ZNF76: variants seen among roughly 807,000 people sequenced by gnomAD.
ZNF76 encodes zinc finger protein 523.
In ZNF76, 66 loss-of-function variants were observed where a neutral mutation model predicts 66.9. The ratio of observed to expected loss-of-function variants is 0.99; its 90% CI spans 0.81 to 1.21. ZNF76 has a LOEUF of 1.21. Ranked by LOEUF, ZNF76 falls within the 50% of genes most tolerant of loss-of-function variation. ZNF76 has a pLI of 0.00. For synonymous variants in ZNF76, 275 were observed against 296.1 expected (o/e 0.93, Z 0.73); for missense variants, 729 against 760.3 (o/e 0.96, Z 0.48).
intron 4 of ZNF76, 54 bp downstream of exon 4, chr6:35,286,453 T>C: frequency 6.4e-7 from 1 of 1,555,644 alleles, no homozygotes; most frequent in Non-Finnish European, 8.8e-7. Context: ...GACTGGAGGA[T>C]GGGGTGGCAG....
intron 1 of ZNF76, among the ~76,000 whole-genome samples, chr6:35,275,086 C>T (rs550358637): frequency 8.6e-4 from 131 of 151,566 alleles, no homozygotes; most frequent in Middle Eastern, 3.4e-3. Context: ...ACCCAGGAGG[C>T]GGAGGTTGCA....
In ZNF76 at chr6:35,276,670, A is replaced by G. The variant is rs541602067; in HGVS notation, c.-96-4386A>G. On this transcript the variant is annotated intron_variant, in intron 1 of 13. Transcript: ENST00000373953. Reference sequence around the variant, plus strand: ...GAGTGCAGTTGTGCTCAGTTAAACCATGTGAGTATTTGACAGAGGTGAGCT... The same window carrying G: ...GAGTGCAGTTGTGCTCAGTTAAACCGTGTGAGTATTTGACAGAGGTGAGCT... Among the ~76,000 whole-genome samples the G allele has an allele frequency of 1.6e-4, 24 of 152,290 alleles. 1 individual carries two copies. The South Asian group carries it at 4.8e-3, about 30-fold the overall frequency.
chr6:35,291,291 G>C lies in ZNF76; in HGVS notation c.639G>C (p.Lys213Asn). 6.2e-7 allele frequency: 1 copy of C among 1,611,044 alleles called. No homozygotes were observed. Among genetic ancestry groups the C allele is most frequent in the South Asian group, 1.1e-5 (1 of 90,616 alleles). The change falls in exon 8 of 14, where the codon AAG (lysine) becomes AAC (asparagine). Residue 213 changes from lysine (K) to asparagine (N), a missense_variant. Physicochemically the swap from Lys to Asn is moderately conservative, Grantham distance 94. Coordinates refer to ENST00000373953, the MANE Select transcript of ZNF76 (RefSeq NM_003427.5). ...GKAFATGYGL[K>N]SHVRTHTGEK... ...ACATATGGACAGGCTATGGACTGAAGAGCCACGTTCGTACCCACACTGGTG... is the reference window on the plus strand; with the variant it reads ...ACATATGGACAGGCTATGGACTGAACAGCCACGTTCGTACCCACACTGGTG...
chr6:35,293,159 GT>G, intron 11 of ZNF76, 115 bp downstream of exon 11: 2 of 1,302,982 alleles, frequency 1.5e-6, no homozygotes, highest in Non-Finnish European at 2.1e-6. Context: ...TCTTGTTTAA[GT>G]TTTATAGACT....
chr6:35,271,942 TAAAA>T (rs1157312301), intron 1 of ZNF76, among the ~76,000 whole-genome samples: 1 of 142,350 alleles, frequency 7.0e-6, no homozygotes. Flanking sequence ...TTTAAAAATT[TAAAA>T]AAAGAAAAAT....
chr6:35,283,013 G>A (rs1467041305), intron 2 of ZNF76, among the ~76,000 whole-genome samples: 2 of 152,152 alleles, frequency 1.3e-5, no homozygotes, highest in Non-Finnish European at 2.9e-5. Flanking sequence ...GTCTCCATGG[G>A]ATGGAAGAAC....
intron 1 of ZNF76, among the ~76,000 whole-genome samples, chr6:35,278,166 T>C (rs1352181857): frequency 2.6e-5 from 4 of 152,028 alleles, no homozygotes; most frequent in African/African-American, 7.2e-5. Context: ...AGTTTTTGTT[T>C]TGTTTTTTTC....
intron 1 of ZNF76, among the ~76,000 whole-genome samples, chr6:35,268,727 C>G (rs1312157012): frequency 6.6e-6 from 1 of 150,546 alleles, no homozygotes; most frequent in African/African-American, 2.5e-5. Flanking sequence ...GAGCCAAGAT[C>G]GCACCATTGC....
intron 5 of ZNF76, chr6:35,288,302 G>A (rs541111183): frequency 2.7e-6 from 1 of 370,824 alleles, no homozygotes; most frequent in East Asian, 7.3e-5. Context: ...ATTAACCTCA[G>A]TGGGCTATGA....
At chr6:35,277,653 T>C (rs1455627944) in intron 1 of ZNF76, among the ~76,000 whole-genome samples, 1 of 152,238 alleles carries the variant, frequency 6.6e-6, no homozygotes, top group Non-Finnish European at 1.5e-5. Flanking sequence ...TTGTTAGAAC[T>C]AAATGAGTTA....
chr6:35,284,201 C>T (rs936734247), intron 2 of ZNF76, among the ~76,000 whole-genome samples: 2 of 151,738 alleles, frequency 1.3e-5, no homozygotes, highest in Non-Finnish European at 2.9e-5. Context: ...AAGCGATTCT[C>T]CTGCCTCAGC....
At chr6:35,277,958 T>TA (rs921497352) in intron 1 of ZNF76, among the ~76,000 whole-genome samples, 1 of 151,674 alleles carries the variant, frequency 6.6e-6, no homozygotes, top group Non-Finnish European at 1.5e-5. Context: ...CTCCCAGGTT[T>TA]ATGCCATTCT....
intron 1 of ZNF76, among the ~76,000 whole-genome samples, chr6:35,270,030 A>G (rs1319764239): frequency 6.6e-6 from 1 of 152,242 alleles, no homozygotes; most frequent in Non-Finnish European, 1.5e-5. Context: ...ATGGAGAATC[A>G]TAGATATTCC....
At chr6:35,290,798 C>A in intron 7 of ZNF76, 82 bp downstream of exon 7, 2 of 1,328,198 alleles carry the variant, frequency 1.5e-6, no homozygotes, top group Non-Finnish European at 1.1e-6. Flanking sequence ...GAACCCAACA[C>A]CAGGCTGCTT....
At position 35,295,755 on chromosome 6, in the gene ZNF76, A is replaced by C; in HGVS notation, c.*507A>C. On this transcript the variant is annotated 3_prime_UTR_variant, in exon 14 of 14. Coordinates refer to ENST00000373953, the MANE Select transcript of ZNF76 (RefSeq NM_003427.5). The stretch of plus-strand genomic sequence containing the variant: ...GGACTTCCTGACACCACAGTCAATT[A>C]ATTCCTCAGGGGCCTGTGGCTGAAG... 1 of 203,156 alleles carries C rather than the reference A, an allele frequency of 4.9e-6. No individual in the cohort carries two copies. Among genetic ancestry groups the C allele is most frequent in the Non-Finnish European group, 1.0e-5 (1 of 95,970 alleles). The allele number at this position is 203,156 out of a possible 1,614,324, so 12.6% of individuals were successfully genotyped here.
At chr6:35,291,132 A>T in intron 7 of ZNF76, 146 bp from the exon 8 acceptor site, 2 of 1,086,696 alleles carry the variant, frequency 1.8e-6, no homozygotes, top group Non-Finnish European at 2.6e-6. Flanking sequence ...GGGCTTTTCC[A>T]GCCCCTGCCC....
At chr6:35,286,436 G>A (rs556730258) in intron 4 of ZNF76, 37 bp downstream of exon 4, 3 of 1,593,846 alleles carry the variant, frequency 1.9e-6, no homozygotes, top group African/African-American at 2.7e-5. Flanking sequence ...GGAAGGATGG[G>A]AGGCAGGACT....
chr6:35,278,662 G>A (rs1040709185), intron 1 of ZNF76, among the ~76,000 whole-genome samples: 6 of 152,250 alleles, frequency 3.9e-5, no homozygotes, highest in Non-Finnish European at 8.8e-5. Flanking sequence ...GGAGAATTTT[G>A]AGAATGGATG....
intron 12 of ZNF76, chr6:35,294,213 C>T (rs965272): frequency 0.75 from 434,823 of 578,842 alleles, 169,920 homozygotes; most frequent in Non-Finnish European, 0.82. Context: ...TAAAATATCT[C>T]TGGAATTTTT....
Sources: gnomAD v4.1 joint callset for allele counts (sites outside exome capture counted in the v4.1 genomes callset) on GRCh38, gnomAD v4.1.1 for gene constraint, MANE v1.5 for transcripts, NCBI Gene and HGNC (gene_info 2026-07-23, HGNC 2026-07-21) for gene names.